The following DLGAP2 variants were observed in gnomAD, a reference collection of about 807,000 sequenced individuals.
DLGAP2 encodes DLG associated protein 2.
In DLGAP2, 26 loss-of-function variants were observed where a neutral mutation model predicts 100.3. The observed-to-expected ratio is 0.26, with a 90% CI of 0.19 to 0.36. The LOEUF is 0.36. Among genes scored for constraint, DLGAP2 ranks in the 10% least tolerant of loss-of-function variants. The pLI, the probability that DLGAP2 is intolerant of heterozygous loss-of-function variation, is 1.00. For synonymous variants in DLGAP2, 886 were observed against 630.1 expected (o/e 1.41, Z -6.08); for missense variants, 1,858 against 1,453.2 (o/e 1.28, Z -4.53).
chr8:1,440,860 G>A (rs1053040361), intron 3 of DLGAP2, among the ~76,000 whole-genome samples: 1 of 152,098 alleles, frequency 6.6e-6, no homozygotes, highest in Admixed American at 6.5e-5. Flanking sequence ...GAGTGCCCAG[G>A]GCTGTTTTAG....
intron 1 of DLGAP2, among the ~76,000 whole-genome samples, chr8:852,846 G>A (rs1797207293): frequency 6.6e-6 from 1 of 152,156 alleles, no homozygotes; most frequent in Non-Finnish European, 1.5e-5. Flanking sequence ...TTCACAAAAG[G>A]ACCTCATTTA....
At chr8:941,924 G>A (rs375355503) in intron 2 of DLGAP2, among the ~76,000 whole-genome samples, 53 of 152,120 alleles carry the variant, frequency 3.5e-4, no homozygotes, top group East Asian at 2.3e-3. Context: ...ACAGGTGCCC[G>A]GAGGTTTTGG....
intron 3 of DLGAP2, among the ~76,000 whole-genome samples, chr8:1,352,832 A>G (rs982055502): frequency 1.3e-5 from 2 of 152,142 alleles, no homozygotes; most frequent in Non-Finnish European, 1.5e-5. Context: ...TCCCATAGTA[A>G]GTCATTCTCT....
At chr8:1,088,199 C>A (rs778776002) in intron 2 of DLGAP2, among the ~76,000 whole-genome samples, 11 of 152,210 alleles carry the variant, frequency 7.2e-5, no homozygotes, top group Non-Finnish European at 1.5e-4. Context: ...GCAATTTCTG[C>A]ACTAGTCCTG....
chr8:1,158,914 G>GA (rs1277859257), intron 2 of DLGAP2, among the ~76,000 whole-genome samples: 1 of 152,232 alleles, frequency 6.6e-6, no homozygotes, highest in Non-Finnish European at 1.5e-5. Context: ...CAGTGGAACT[G>GA]AAAATGAGTA....
At chr8:1,002,136 A>T (rs1373615966) in intron 2 of DLGAP2, 29 of 152,130 alleles carry the variant, frequency 1.9e-4, no homozygotes, top group Admixed American at 1.9e-3. Context: ...GGCCCAGGGA[A>T]TTCGATCACT....
chr8:1,550,142 C>T (rs954259833), intron 5 of DLGAP2, among the ~76,000 whole-genome samples: 4 of 152,230 alleles, frequency 2.6e-5, no homozygotes. Context: ...GCGCCGGGCT[C>T]ATCCTGCTTT....
intron 1 of DLGAP2, among the ~76,000 whole-genome samples, chr8:900,159 G>A (rs1798221043): frequency 6.9e-6 from 1 of 145,346 alleles, no homozygotes; most frequent in Non-Finnish European, 1.5e-5. Flanking sequence ...TGCTCTTCAC[G>A]GCGTCGCTCC....
chr8:1,212,012 C>T (rs1416773994), intron 2 of DLGAP2, among the ~76,000 whole-genome samples: 1 of 152,232 alleles, frequency 6.6e-6, no homozygotes, highest in Non-Finnish European at 1.5e-5. Context: ...GGTTCTTGGT[C>T]CTTCACCTGA....
At chr8:1,003,938 C>G (rs1426204375) in intron 2 of DLGAP2, among the ~76,000 whole-genome samples, 1 of 152,030 alleles carries the variant, frequency 6.6e-6, no homozygotes, top group Admixed American at 6.6e-5. Context: ...CTTGGTGTCC[C>G]CCTCCCAAAA....
chr8:1,419,441 C>T lies in DLGAP2; in HGVS notation c.107-81925C>T, dbSNP rs1055608704. Reference sequence around the variant, plus strand: ...TGGGATACTGTGTTACACTCTGATACGTGTGTGTGTGTGTGTGTGTGTGTG... The same window carrying T: ...TGGGATACTGTGTTACACTCTGATATGTGTGTGTGTGTGTGTGTGTGTGTG... On this transcript the variant is annotated intron_variant, in intron 3 of 14. Coordinates refer to ENST00000637795, the MANE Select transcript of DLGAP2 (RefSeq NM_001346810.2). Among the ~76,000 whole-genome samples the T allele has an allele frequency of 3.2e-4, 17 of 52,992 alleles. 3 individuals are homozygous for T. Among genetic ancestry groups the T allele is most frequent in the African/African-American group, 1.1e-3 (14 of 12,358 alleles). The allele number at this position is 52,992 out of a possible 152,430, so 34.8% of individuals were successfully genotyped here.
At chr8:1,352,848 C>T (rs7824134) in intron 3 of DLGAP2, among the ~76,000 whole-genome samples, 55,654 of 152,024 alleles carry the variant, frequency 0.37, 10,654 homozygotes, top group East Asian at 0.49. Flanking sequence ...TCTCTGGAGA[C>T]GCAGGAGATC....
At chr8:1,387,767 AG>A in intron 3 of DLGAP2, among the ~76,000 whole-genome samples, 1 of 152,320 alleles carries the variant, frequency 6.6e-6, no homozygotes, top group Non-Finnish European at 1.5e-5. Flanking sequence ...GATTTTTCTC[AG>A]GAACCAGGTG....
At chr8:1,041,590 C>T (rs1802350066) in intron 2 of DLGAP2, among the ~76,000 whole-genome samples, 2 of 144,412 alleles carry the variant, frequency 1.4e-5, no homozygotes, top group African/African-American at 2.6e-5. Context: ...GAACCCCTTG[C>T]CGTGGGTGAG....
intron 2 of DLGAP2, among the ~76,000 whole-genome samples, chr8:1,106,729 C>G (rs908335680): frequency 1.3e-5 from 2 of 150,892 alleles, no homozygotes; most frequent in African/African-American, 4.9e-5. Flanking sequence ...TTGAAGAGAG[C>G]CATTCTAGGA....
chr8:1,334,808 C>T (rs899061968), intron 3 of DLGAP2, among the ~76,000 whole-genome samples: 7 of 152,192 alleles, frequency 4.6e-5, no homozygotes, highest in East Asian at 1.9e-4. Context: ...TGTGTTGACA[C>T]GCTGTAAAGG....
chr8:1,669,461 G>C (rs138412709), intron 9 of DLGAP2, among the ~76,000 whole-genome samples: 1 of 152,238 alleles, frequency 6.6e-6, no homozygotes, highest in Non-Finnish European at 1.5e-5. Flanking sequence ...GGGATCTGGC[G>C]GACGTGGTTG....
chr8:1,361,912 T>C (rs1478191100), intron 3 of DLGAP2, among the ~76,000 whole-genome samples: 1 of 152,226 alleles, frequency 6.6e-6, no homozygotes, highest in Non-Finnish European at 1.5e-5. Flanking sequence ...GCACTAACTG[T>C]GCTGCCCCAG....
chr8:1,577,913 G>A (rs772328423), intron 6 of DLGAP2, among the ~76,000 whole-genome samples: 2 of 152,222 alleles, frequency 1.3e-5, no homozygotes, highest in East Asian at 1.9e-4. Context: ...TGGCACCAGC[G>A]CGAGTGCTCA....
Sources: allele counts gnomAD v4.1 joint callset (sites outside exome capture counted in the v4.1 genomes callset), GRCh38; gene constraint gnomAD v4.1.1; transcripts MANE v1.5; gene names NCBI Gene and HGNC (gene_info 2026-07-23, HGNC 2026-07-21).